The following LRP1B variants were observed in gnomAD, a reference collection of about 807,000 sequenced individuals.
LRP1B encodes low-density lipoprotein receptor-related protein 1B.
LRP1B carries 217 observed loss-of-function variants against 556.6 expected under a neutral mutation model. The observed-to-expected ratio is 0.39, with a 90% CI of 0.35 to 0.44. The LOEUF (loss-of-function observed/expected upper bound fraction) is 0.44, where lower values mean the gene tolerates loss of function less well. Among genes scored for constraint, LRP1B ranks in the 20% least tolerant of loss-of-function variants. The pLI is 1.00. For synonymous variants in LRP1B, 2,047 were observed against 1,865.8 expected, an observed-to-expected ratio of 1.10 and a Z score of -2.50; for missense variants, 5,053 against 5,620.8, an observed-to-expected ratio of 0.90 and a Z score of 3.23.
chr2:141,946,575 A>G (rs1352869217), intron 1 of LRP1B, among the ~76,000 whole-genome samples: 1 of 152,164 alleles, frequency 6.6e-6, no homozygotes, highest in Non-Finnish European at 1.5e-5. Flanking sequence ...TGAACTGTAA[A>G]ATTTGATAGA....
intron 7 of LRP1B, among the ~76,000 whole-genome samples, chr2:141,111,252 A>T (rs944736284): frequency 6.6e-6 from 1 of 152,238 alleles, no homozygotes; most frequent in Non-Finnish European, 1.5e-5. Flanking sequence ...TTATATACTT[A>T]ATGTATACTG....
intron 51 of LRP1B, among the ~76,000 whole-genome samples, chr2:140,512,041 T>G (rs1433696820): frequency 1.3e-5 from 2 of 152,172 alleles, no homozygotes; most frequent in African/African-American, 4.8e-5. Flanking sequence ...TTAAGGAAGT[T>G]TTGATAAATG....
At chr2:141,903,402 T>C (rs911762134) in intron 1 of LRP1B, among the ~76,000 whole-genome samples, 2 of 151,932 alleles carry the variant, frequency 1.3e-5, no homozygotes, top group African/African-American at 4.8e-5. Flanking sequence ...TTTCACTCCA[T>C]CTCATGAAAT....
Position 140,533,913 on chromosome 2 carries a change from G to A in LRP1B, c.7762+108C>T, listed in dbSNP as rs540828295. The A allele has an allele frequency of 1.5e-5, 17 of 1,145,618 alleles. No homozygotes were observed. The South Asian group carries it at 2.4e-4, about 16-fold the overall frequency. The allele number at this position is 1,145,618 out of a possible 1,614,324, so 71.0% of individuals were successfully genotyped here. ...AGCATTTACCAAAGTGTGATCCATA[G>A]ATGTTACTAGGTGTTATATGCCACA... On this transcript the variant is annotated intron_variant, in intron 47 of 90. Transcript: ENST00000389484.
intron 1 of LRP1B, among the ~76,000 whole-genome samples, chr2:142,116,035 G>A (rs1707260771): frequency 1.4e-5 from 2 of 145,720 alleles, no homozygotes; most frequent in South Asian, 4.3e-4. Flanking sequence ...GGCCAACATG[G>A]TGAAATGTCT....
intron 2 of LRP1B, among the ~76,000 whole-genome samples, chr2:141,768,358 T>C (rs1694793981): frequency 6.7e-6 from 1 of 149,264 alleles, no homozygotes; most frequent in Admixed American, 6.6e-5. Flanking sequence ...ATATTATATC[T>C]CATTATCTCT....
chr2:141,761,791 A>T (rs1463019256), intron 2 of LRP1B, among the ~76,000 whole-genome samples: 1 of 152,150 alleles, frequency 6.6e-6, no homozygotes, highest in Admixed American at 6.5e-5. Flanking sequence ...AGGAATATGC[A>T]GGCCAATCTA....
intron 18 of LRP1B, among the ~76,000 whole-genome samples, chr2:140,970,729 T>C (rs1558772522): frequency 5.0e-4 from 2 of 4,038 alleles, no homozygotes. Context: ...TTTTTTTTTT[T>C]TTTTTTTTTT....
rs139824003 is a variant in LRP1B at position 140,407,981 on chromosome 2, T to C, written c.10415-21972A>G. Among the ~76,000 whole-genome samples the C allele has an allele frequency of 1.2e-4, 19 of 152,140 alleles. 1 individual carries two copies. The South Asian group carries it at 3.1e-3, about 25-fold the overall frequency. ...AAAAAAATATGGCATATATATACCA[T>C]GGAATACTACTCAGCCATAAAAAGG... On this transcript the variant is annotated intron_variant, in intron 66 of 90. Transcript: ENST00000389484.
intron 2 of LRP1B, among the ~76,000 whole-genome samples, chr2:141,722,292 C>G (rs184590226): frequency 6.6e-6 from 1 of 152,088 alleles, no homozygotes; most frequent in African/African-American, 2.4e-5. Flanking sequence ...GCACGAGAAT[C>G]GCTTGAACCT....
intron 41 of LRP1B, among the ~76,000 whole-genome samples, chr2:140,607,632 T>TACAC (rs3061367): frequency 5.6e-5 from 8 of 143,022 alleles, no homozygotes; most frequent in African/African-American, 2.0e-4. Context: ...CCCCTCTCTT[T>TACAC]ACACACACAC....
chr2:140,978,598 T>C (rs1161653797), intron 18 of LRP1B, among the ~76,000 whole-genome samples: 4 of 152,176 alleles, frequency 2.6e-5, no homozygotes, highest in Non-Finnish European at 5.9e-5. Flanking sequence ...TTTAAAAAAT[T>C]GCACTCCTTG....
At chr2:141,296,343 A>G (rs890382171) in intron 3 of LRP1B, among the ~76,000 whole-genome samples, 1 of 152,224 alleles carries the variant, frequency 6.6e-6, no homozygotes, top group East Asian at 1.9e-4. Context: ...TCAAGAGATA[A>G]GTATTTTCAT....
chr2:140,843,351 G>T (rs1420224741), intron 29 of LRP1B, among the ~76,000 whole-genome samples: 3 of 151,558 alleles, frequency 2.0e-5, no homozygotes, highest in African/African-American at 7.3e-5. Flanking sequence ...CTAAGCAATT[G>T]ATTTATTTGC....
intron 27 of LRP1B, among the ~76,000 whole-genome samples, chr2:140,862,778 A>G (rs1336615129): frequency 6.6e-6 from 1 of 152,218 alleles, no homozygotes; most frequent in Non-Finnish European, 1.5e-5. Flanking sequence ...AGATGAGTAT[A>G]TGAATTAGTA....
At chr2:140,309,453 G>A (rs765379102) in intron 83 of LRP1B, among the ~76,000 whole-genome samples, 5 of 151,700 alleles carry the variant, frequency 3.3e-5, no homozygotes, top group Non-Finnish European at 7.4e-5. Flanking sequence ...CCAGAGAGCC[G>A]TAAGATTGAA....
chr2:140,849,988 A>C, intron 29 of LRP1B, 114 bp downstream of exon 29: 1 of 687,456 alleles, frequency 1.5e-6, no homozygotes, highest in Non-Finnish European at 2.5e-6. Context: ...ATCAATTCTA[A>C]CTTTCAATTA....
chr2:142,062,109 T>C (rs1275254675), intron 1 of LRP1B, among the ~76,000 whole-genome samples: 1 of 151,930 alleles, frequency 6.6e-6, no homozygotes, highest in Admixed American at 6.6e-5. Context: ...CTAGCTCCTT[T>C]ATACACCAGC....
At chr2:141,535,819 A>G (rs1035237551) in intron 2 of LRP1B, among the ~76,000 whole-genome samples, 3 of 152,126 alleles carry the variant, frequency 2.0e-5, no homozygotes, top group Non-Finnish European at 2.9e-5. Flanking sequence ...CACGTCATCA[A>G]ATCACATTTG....
Sources: gnomAD v4.1 joint callset for allele counts (sites outside exome capture counted in the v4.1 genomes callset) on GRCh38, gnomAD v4.1.1 for gene constraint, MANE v1.5 for transcripts, NCBI Gene and HGNC (gene_info 2026-07-23, HGNC 2026-07-21) for gene names.